Variants in THSD7A observed in about 807,000 individuals in gnomAD.
THSD7A encodes the protein thrombospondin type 1 domain containing 7A.
In THSD7A, 96 loss-of-function variants were observed where a neutral mutation model predicts 231.3. The observed-to-expected ratio is 0.41, with a 90% CI of 0.35 to 0.49. The LOEUF is 0.49. THSD7A is among the 20% of genes least tolerant of loss of function. The probability of loss-of-function intolerance (pLI) is 0.05; values close to 1 mark genes in which losing one functional copy is unlikely to be tolerated. For synonymous variants in THSD7A, 940 were observed against 743.3 expected (o/e 1.26, Z -4.30); for missense variants, 2,290 against 2,070.2 (o/e 1.11, Z -2.06).
chr7:11,538,557 C>A (rs540163901), intron 6 of THSD7A, among the ~76,000 whole-genome samples: 1 of 152,072 alleles, frequency 6.6e-6, no homozygotes, highest in Non-Finnish European at 1.5e-5. Context: ...TAAAATAGGG[C>A]GGGTTTTGGG....
Position 11,648,840 on chromosome 7 carries a change from G to C in THSD7A, c.191-11879C>G, listed in dbSNP as rs1340639020. Among the ~76,000 whole-genome samples, 6 of 151,508 alleles carry C rather than the reference G, an allele frequency of 4.0e-5. No homozygotes were observed. The East Asian group carries it at 1.2e-3, about 30-fold the overall frequency. On this transcript the variant is annotated intron_variant, in intron 1 of 27. Transcript: ENST00000423059. ...ATATCTTATGACATCAAATCTTCTGGGCCACTATGATCTCAGTGACTGAGC... is the reference window on the plus strand; with the variant it reads ...ATATCTTATGACATCAAATCTTCTGCGCCACTATGATCTCAGTGACTGAGC...
At chr7:11,396,374 G>C (rs1184473724) in intron 23 of THSD7A, among the ~76,000 whole-genome samples, 2 of 152,034 alleles carry the variant, frequency 1.3e-5, no homozygotes, top group East Asian at 3.9e-4. Context: ...CAACAATTTA[G>C]ATATATGGCT....
At position 11,662,043 on chromosome 7, in the gene THSD7A, A is replaced by T. The variant is rs142403079; in HGVS notation, c.191-25082T>A. Among the ~76,000 whole-genome samples, 216 of 151,376 alleles carry T rather than the reference A, an allele frequency of 1.4e-3. 1 individual carries two copies. The highest frequency in any genetic ancestry group is 9.4e-3 in the Admixed American group (142 of 15,146). On this transcript the variant is annotated intron_variant, in intron 1 of 27. Transcript: ENST00000423059. ...GTGGCTAATAAAAATAATCAGAGAA[A>T]GAAAGGAGAGAAAAAGATACATAGA...
chr7:11,703,666 G>T (rs1328596708), intron 1 of THSD7A, among the ~76,000 whole-genome samples: 2 of 151,218 alleles, frequency 1.3e-5, no homozygotes, highest in Admixed American at 6.6e-5. Context: ...AAATTAAAAT[G>T]TACAATGTGG....
chr7:11,546,202 GC>G (rs1789385629), intron 4 of THSD7A, among the ~76,000 whole-genome samples: 4 of 129,372 alleles, frequency 3.1e-5, no homozygotes, highest in African/African-American at 8.6e-5. Context: ...GTGGGCGCGC[GC>G]TCACACACAC....
intron 17 of THSD7A, chr7:11,413,818 C>T (rs1193883326): frequency 6.6e-6 from 1 of 152,318 alleles, no homozygotes; most frequent in Non-Finnish European, 1.5e-5. Flanking sequence ...ACCCAGGGCT[C>T]TACCTGGACC....
chr7:11,566,794 TA>T (rs1441019742), intron 4 of THSD7A, among the ~76,000 whole-genome samples: 5 of 152,182 alleles, frequency 3.3e-5, no homozygotes, highest in African/African-American at 4.8e-5. Context: ...TATATTCTTT[TA>T]AATAAAACTG....
chr7:11,548,763 A>G (rs1007982528), intron 4 of THSD7A, among the ~76,000 whole-genome samples: 44 of 152,136 alleles, frequency 2.9e-4, no homozygotes, highest in African/African-American at 9.4e-4. Context: ...TCACATGATT[A>G]TCTCAATAGA....
chr7:11,525,995 T>A (rs191002574), intron 6 of THSD7A, among the ~76,000 whole-genome samples: 27 of 152,290 alleles, frequency 1.8e-4, no homozygotes, highest in Non-Finnish European at 2.9e-5. Flanking sequence ...CCAGAGTTCA[T>A]GGTTTAGTCT....
At chr7:11,787,504 A>G (rs951842853) in intron 1 of THSD7A, among the ~76,000 whole-genome samples, 1 of 152,128 alleles carries the variant, frequency 6.6e-6, no homozygotes, top group Non-Finnish European at 1.5e-5. Flanking sequence ...TTCAAAAGAT[A>G]CAACTGATAA....
chr7:11,796,877 T>G (rs1784140194), intron 1 of THSD7A, among the ~76,000 whole-genome samples: 2 of 152,116 alleles, frequency 1.3e-5, no homozygotes, highest in Admixed American at 1.3e-4. Flanking sequence ...ATTATATCTG[T>G]AATAAGGTTT....
At chr7:11,423,578 C>T (rs1034682830) in intron 16 of THSD7A, among the ~76,000 whole-genome samples, 4 of 151,920 alleles carry the variant, frequency 2.6e-5, no homozygotes, top group African/African-American at 7.3e-5. Flanking sequence ...ACCGTGTTAG[C>T]CAGGATGGTC....
At chr7:11,536,927 GA>G (rs1562695837) in intron 6 of THSD7A, among the ~76,000 whole-genome samples, 3 of 151,638 alleles carry the variant, frequency 2.0e-5, no homozygotes, top group Non-Finnish European at 2.9e-5. Context: ...ATATATGTCT[GA>G]AAAAAAATTC....
intron 1 of THSD7A, among the ~76,000 whole-genome samples, chr7:11,703,145 C>G (rs896740497): frequency 2.0e-5 from 3 of 151,212 alleles, no homozygotes; most frequent in African/African-American, 4.8e-5. Flanking sequence ...TCAGCCTTCT[C>G]GAGTGAGCCA....
At chr7:11,713,627 C>T (rs1424771235) in intron 1 of THSD7A, among the ~76,000 whole-genome samples, 1 of 151,094 alleles carries the variant, frequency 6.6e-6, no homozygotes, top group African/African-American at 2.4e-5. Flanking sequence ...CCTGTGGAAT[C>T]CTAACTTTTG....
At chr7:11,386,004 A>G (rs1171697937) in intron 23 of THSD7A, among the ~76,000 whole-genome samples, 2 of 152,066 alleles carry the variant, frequency 1.3e-5, no homozygotes, top group Non-Finnish European at 2.9e-5. Context: ...GCTAAGAATG[A>G]TGGTTTCTAG....
Position 11,632,220 on chromosome 7 carries a change from C to T in THSD7A, c.1022+3910G>A, listed in dbSNP as rs1046983606. Reference sequence around the variant, plus strand: ...TTATAAATTTCACAGTAACAATGTACAGTTGGTATATTTACTAAATATTCT... The same window carrying T: ...TTATAAATTTCACAGTAACAATGTATAGTTGGTATATTTACTAAATATTCT... On this transcript the variant is annotated intron_variant, in intron 2 of 27. Coordinates refer to ENST00000423059, the MANE Select transcript of THSD7A (RefSeq NM_015204.3). The surrounding 1 kb of genome is among the most constrained non-coding windows in gnomAD (Gnocchi z 4.1). Among the ~76,000 whole-genome samples, 1 of 152,030 alleles carries T rather than the reference C, an allele frequency of 6.6e-6. No homozygotes were observed. Among genetic ancestry groups the T allele is most frequent in the Non-Finnish European group, 1.5e-5 (1 of 68,010 alleles).
chr7:11,605,728 G>C (rs1780712078), intron 2 of THSD7A, among the ~76,000 whole-genome samples: 1 of 152,076 alleles, frequency 6.6e-6, no homozygotes, highest in Non-Finnish European at 1.5e-5. Flanking sequence ...ACCAATAATT[G>C]GATAGGCTGG....
At position 11,447,393 on chromosome 7, in the gene THSD7A, C is replaced by T. The variant is rs1237609344; in HGVS notation, c.2637G>A (p.Gln879=). The part of the protein sequence containing the change: ...AITCRKQDGG[Q]AGIHECLQYA... ...ACTGTAGGCACTCATGGATTCCAGC[C>T]TGTCCTCCATCTTGCTTGCGACAAG... The change falls in exon 12 of 28, where the codon CAG becomes CAA. Residue 879 remains glutamine, a synonymous_variant. Coordinates refer to ENST00000423059, the MANE Select transcript of THSD7A (RefSeq NM_015204.3). 1 of 1,591,382 alleles carries T rather than the reference C, an allele frequency of 6.3e-7. No homozygotes were observed. The highest frequency in any genetic ancestry group is 1.4e-5 in the African/African-American group (1 of 73,752).
Sources: gnomAD v4.1 joint callset for allele counts (sites outside exome capture counted in the v4.1 genomes callset) on GRCh38, gnomAD v4.1.1 for gene constraint, Gnocchi (gnomAD v3.1) non-coding constraint, MANE v1.5 for transcripts, NCBI Gene and HGNC (gene_info 2026-07-23, HGNC 2026-07-21) for gene names.